The following UBAC2 variants were observed in gnomAD, a reference collection of about 807,000 sequenced individuals.
UBAC2 encodes the protein UBA domain containing 2, also known as ubiquitin-associated domain-containing protein 2.
A neutral mutation model predicts 44.0 loss-of-function variants in UBAC2; 26 were observed. The ratio of observed to expected loss-of-function variants is 0.59; its 90% CI spans 0.43 to 0.82. The LOEUF (loss-of-function observed/expected upper bound fraction) is 0.82, where lower values mean the gene tolerates loss of function less well. Among genes scored for constraint, UBAC2 ranks in the 40% least tolerant of loss-of-function variants. The pLI is 0.00. For synonymous variants in UBAC2, 155 were observed against 154.3 expected (o/e 1.00, Z -0.04); for missense variants, 329 against 419.4 (o/e 0.78, Z 1.88).
Position 99,344,881 on chromosome 13 carries a change from T to C in UBAC2, c.807+4316T>C, listed in dbSNP as rs529118453. Among the ~76,000 whole-genome samples the C allele has an allele frequency of 2.6e-5, 4 of 152,276 alleles. No homozygotes were observed. The South Asian group carries it at 8.3e-4, about 32-fold the overall frequency. ...CAAAATAAATGAAGAACATGTCCTT[T>C]CCCTCCGTGAGTTTGTGGCCAACTT... On this transcript the variant is annotated intron_variant, in intron 7 of 8. Transcript: ENST00000403766.
At chr13:99,355,685 G>C (rs1400583547) in intron 7 of UBAC2, among the ~76,000 whole-genome samples, 1 of 152,388 alleles carries the variant, frequency 6.6e-6, no homozygotes, top group Admixed American at 6.5e-5. Context: ...CCCATGAGGA[G>C]TGATGGGTCA....
Position 99,287,643 on chromosome 13 carries a change from C to CTTT in UBAC2, c.390-26435_390-26433dup, listed in dbSNP as rs11304203. 1.7e-3 allele frequency among the ~76,000 whole-genome samples: 165 copies of CTTT among 95,080 alleles called. 2 individuals are homozygous for CTTT. Among genetic ancestry groups the CTTT allele is most frequent in the African/African-American group, 4.0e-3 (88 of 22,072 alleles). The allele number at this position is 95,080 out of a possible 152,430, so 62.4% of individuals were successfully genotyped here. Reference sequence around the variant, plus strand: ...TTTCTTTCTTCTTTTTTTTTTCTTTCTTTTTTTTTTTTTTTTTTTTTGGTA... The same window carrying CTTT: ...TTTCTTTCTTCTTTTTTTTTTCTTTCTTTTTTTTTTTTTTTTTTTTTTTTGGTA... On this transcript the variant is annotated intron_variant, in intron 4 of 8. Coordinates refer to ENST00000403766, the MANE Select transcript of UBAC2 (RefSeq NM_001144072.2).
At chr13:99,267,019 C>T (rs1193300368) in intron 4 of UBAC2, among the ~76,000 whole-genome samples, 5 of 152,160 alleles carry the variant, frequency 3.3e-5, no homozygotes, top group African/African-American at 1.2e-4. Context: ...ACCTCTCTCA[C>T]ACTCGCCCTT....
intron 5 of UBAC2, chr13:99,314,758 A>G (rs1459420706): frequency 6.6e-6 from 1 of 152,528 alleles, no homozygotes; most frequent in Non-Finnish European, 1.5e-5. Flanking sequence ...GAAGACTACT[A>G]GAGTACTACT....
chr13:99,302,353 A>G (rs1028931508), intron 4 of UBAC2, among the ~76,000 whole-genome samples: 2 of 152,250 alleles, frequency 1.3e-5, no homozygotes, highest in Admixed American at 6.5e-5. Flanking sequence ...TTGAAATTTC[A>G]AAGATATGGT....
intron 8 of UBAC2, among the ~76,000 whole-genome samples, chr13:99,373,548 CT>C (rs2045438366): frequency 6.6e-6 from 1 of 152,180 alleles, no homozygotes; most frequent in Non-Finnish European, 1.5e-5. Context: ...ATGTCCTGCC[CT>C]GAGGAGCTGT....
intron 4 of UBAC2, among the ~76,000 whole-genome samples, chr13:99,284,884 C>T (rs551385864): frequency 2.0e-5 from 3 of 152,174 alleles, no homozygotes; most frequent in Admixed American, 6.5e-5. Flanking sequence ...GTGTAGTTTT[C>T]GTATTTCTCT....
chr13:99,267,244 C>T (rs2043755731), intron 4 of UBAC2, among the ~76,000 whole-genome samples: 1 of 152,134 alleles, frequency 6.6e-6, no homozygotes, highest in Admixed American at 6.6e-5. Flanking sequence ...GCTGTAGGAG[C>T]TCTTTATGTA....
chr13:99,200,863 C>A lies in UBAC2; in HGVS notation c.-46C>A. The A allele has an allele frequency of 7.8e-7, 1 of 1,280,536 alleles. No homozygotes were observed. 79.3% of individuals were successfully genotyped at this position (1,280,536 alleles called of 1,614,324 possible). On this transcript the variant is annotated 5_prime_UTR_variant, in exon 1 of 9. Transcript: ENST00000403766. The stretch of plus-strand genomic sequence containing the variant: ...GCGGTCGCTGGGGCTCGCACTTCAG[C>A]TTCCCCTCCCCCGGCGCCCTCTGGG...
chr13:99,244,516 C>G lies in UBAC2; in HGVS notation c.281C>G (p.Ser94Cys), dbSNP rs1566464952. Reference sequence around the variant, plus strand: ...TTTTTCTGCTGTTTTATTTTGTAGTCCTTTTTGCTGGGTTCCTGGGTTTTG... The same window carrying G: ...TTTTTCTGCTGTTTTATTTTGTAGTGCTTTTTGCTGGGTTCCTGGGTTTTG... ...ERRYGSRKFA[S>C]FLLGSWVLSA... is the part of the protein sequence containing the mutation. The change falls in exon 4 of 9, where the codon TCC becomes TGC. Residue 94 changes from serine (S) to cysteine (C), a missense_variant and splice_region_variant. By Grantham distance (112) the Ser-to-Cys change is moderately radical. Transcript: ENST00000403766. The G allele has an allele frequency of 1.9e-6, 3 of 1,609,090 alleles. No individual in the cohort carries two copies. Among genetic ancestry groups the G allele is most frequent in the Non-Finnish European group, 2.6e-6 (3 of 1,176,250 alleles).
At chr13:99,343,019 G>A (rs779941958) in intron 7 of UBAC2, among the ~76,000 whole-genome samples, 6 of 152,224 alleles carry the variant, frequency 3.9e-5, no homozygotes, top group Non-Finnish European at 8.8e-5. Flanking sequence ...CACCAGCTGT[G>A]GTAGTCGGTG....
intron 1 of UBAC2, among the ~76,000 whole-genome samples, chr13:99,219,796 A>G (rs1354194715): frequency 2.0e-5 from 3 of 152,206 alleles, no homozygotes; most frequent in African/African-American, 7.2e-5. Context: ...TGGACATTTC[A>G]TATAAGTGGA....
intron 6 of UBAC2, among the ~76,000 whole-genome samples, chr13:99,328,971 C>T (rs1451775660): frequency 6.6e-6 from 1 of 152,160 alleles, no homozygotes; most frequent in Non-Finnish European, 1.5e-5. Context: ...GTCTGTGATC[C>T]AGTTTGAGTA....
chr13:99,230,940 TC>T (rs1705323339), intron 1 of UBAC2, among the ~76,000 whole-genome samples: 2 of 151,992 alleles, frequency 1.3e-5, no homozygotes, highest in Non-Finnish European at 2.9e-5. Flanking sequence ...TCCCAGCTAC[TC>T]AGGGGGCTGA....
At chr13:99,340,120 G>A (rs559956037) in intron 6 of UBAC2, among the ~76,000 whole-genome samples, 200 bp from the exon 7 acceptor site, 2 of 152,178 alleles carry the variant, frequency 1.3e-5, no homozygotes, top group South Asian at 2.1e-4. Context: ...AAACAATTTT[G>A]TTTTACTAAG....
In UBAC2 at chr13:99,332,295, A is replaced by G. The variant is rs1018949679; in HGVS notation, c.562-8025A>G. ...AGAGGACAGTTGAAGTTTACTCTCT[A>G]TAATCAAGAGTGTTTTGCATGTTTT... On this transcript the variant is annotated intron_variant, in intron 6 of 8. Coordinates refer to ENST00000403766, the MANE Select transcript of UBAC2 (RefSeq NM_001144072.2). Among the ~76,000 whole-genome samples, 9 of 152,342 alleles carry G rather than the reference A, an allele frequency of 5.9e-5. 1 individual carries two copies. The highest frequency in any genetic ancestry group is 1.9e-4 in the East Asian group (1 of 5,194).
At chr13:99,223,753 A>AT (rs2142692771) in intron 1 of UBAC2, among the ~76,000 whole-genome samples, 1 of 151,926 alleles carries the variant, frequency 6.6e-6, no homozygotes, top group South Asian at 2.1e-4. Context: ...TGACCCAGAT[A>AT]TTGTTTAGAA....
chr13:99,301,022 T>C (rs1385610548), intron 4 of UBAC2, among the ~76,000 whole-genome samples: 1 of 152,248 alleles, frequency 6.6e-6, no homozygotes, highest in Non-Finnish European at 1.5e-5. Context: ...AGTATTATCA[T>C]TTATCATTGT....
chr13:99,264,013 A>G (rs547547748), intron 4 of UBAC2, among the ~76,000 whole-genome samples: 20 of 152,298 alleles, frequency 1.3e-4, no homozygotes, highest in African/African-American at 4.6e-4. Flanking sequence ...GTGTAATAAT[A>G]AGGAAGGGTC....
Sources: gnomAD v4.1 joint callset for allele counts (sites outside exome capture counted in the v4.1 genomes callset) on GRCh38, gnomAD v4.1.1 for gene constraint, MANE v1.5 for transcripts, NCBI Gene and HGNC (gene_info 2026-07-23, HGNC 2026-07-21) for gene names.